PLCB1: variants seen among roughly 807,000 people sequenced by gnomAD.
PLCB1 encodes phospholipase C beta 1.
Under a neutral mutation model 161.8 loss-of-function variants are expected in PLCB1, and 46 were observed. The ratio of observed to expected loss-of-function variants is 0.28; its 90% confidence interval spans 0.22 to 0.36. The LOEUF (loss-of-function observed/expected upper bound fraction) is 0.36. PLCB1 is among the 10% of genes least tolerant of loss of function. The pLI is 1.00. For synonymous variants in PLCB1, 517 were observed against 503.7 expected, an observed-to-expected ratio of 1.03 and a Z score of -0.35; for missense variants, 1,016 against 1,472.5, an observed-to-expected ratio of 0.69 and a Z score of 5.07.
chr20:8,468,997 T>C (rs887616837), intron 3 of PLCB1, among the ~76,000 whole-genome samples: 2 of 152,078 alleles, frequency 1.3e-5, no homozygotes, highest in African/African-American at 2.4e-5. Flanking sequence ...CCACCCCCCG[T>C]AGTGTCTGAT....
intron 3 of PLCB1, among the ~76,000 whole-genome samples, chr20:8,539,474 A>G (rs928616827): frequency 6.6e-6 from 1 of 152,202 alleles, no homozygotes; most frequent in Non-Finnish European, 1.5e-5. Flanking sequence ...TTCTGGGAAC[A>G]TAGAATTAAA....
At chr20:8,572,934 T>C (rs1366695464) in intron 3 of PLCB1, among the ~76,000 whole-genome samples, 1 of 152,064 alleles carries the variant, frequency 6.6e-6, no homozygotes, top group Non-Finnish European at 1.5e-5. Flanking sequence ...ATTATTAGTA[T>C]TTATATATTT....
At chr20:8,215,521 T>C (rs1979073617) in intron 2 of PLCB1, among the ~76,000 whole-genome samples, 1 of 151,976 alleles carries the variant, frequency 6.6e-6, no homozygotes, top group African/African-American at 2.4e-5. Context: ...TCCCTTCAAA[T>C]AGCTGACATT....
chr20:8,677,657 T>G (rs1990118601), intron 9 of PLCB1, among the ~76,000 whole-genome samples: 1 of 152,054 alleles, frequency 6.6e-6, no homozygotes, highest in African/African-American at 2.4e-5. Flanking sequence ...ACACACCTGT[T>G]TTTAGGATGG....
intron 31 of PLCB1, among the ~76,000 whole-genome samples, chr20:8,858,321 C>T (rs1987136687): frequency 6.6e-6 from 1 of 152,154 alleles, no homozygotes; most frequent in Non-Finnish European, 1.5e-5. Context: ...TCAGTAATAG[C>T]ATCTAAATAT....
chr20:8,831,451 T>C (rs1985976534), intron 31 of PLCB1: 1 of 152,216 alleles, frequency 6.6e-6, no homozygotes, highest in East Asian at 1.9e-4. Context: ...AAAATTTGCT[T>C]TAATTTATTT....
chr20:8,542,128 T>A (rs1384045922), intron 3 of PLCB1, among the ~76,000 whole-genome samples: 3 of 152,210 alleles, frequency 2.0e-5, no homozygotes, highest in Non-Finnish European at 4.4e-5. Flanking sequence ...ATGCTTTGTC[T>A]AAATGGCCAG....
At chr20:8,856,744 A>T (rs1987082599) in intron 31 of PLCB1, among the ~76,000 whole-genome samples, 1 of 152,240 alleles carries the variant, frequency 6.6e-6, no homozygotes, top group Non-Finnish European at 1.5e-5. Context: ...GGAAGGTGGC[A>T]GGTAGAGGTC....
chr20:8,465,134 T>C (rs1339145420), intron 3 of PLCB1, among the ~76,000 whole-genome samples: 1 of 152,098 alleles, frequency 6.6e-6, no homozygotes, highest in Non-Finnish European at 1.5e-5. Flanking sequence ...TTATTCATGT[T>C]GACTTGTTAT....
intron 31 of PLCB1, among the ~76,000 whole-genome samples, chr20:8,870,688 C>T (rs918783510): frequency 4.6e-5 from 7 of 152,198 alleles, no homozygotes; most frequent in African/African-American, 2.4e-5. Context: ...TTGCCTACCT[C>T]GTCCTTGACT....
At chr20:8,424,064 C>T (rs1423783260) in intron 3 of PLCB1, among the ~76,000 whole-genome samples, 1 of 152,126 alleles carries the variant, frequency 6.6e-6, no homozygotes, top group Non-Finnish European at 1.5e-5. Context: ...TAGGCTCACT[C>T]CTTCCATTTT....
chr20:8,398,811 G>T (rs1978406368), intron 3 of PLCB1, among the ~76,000 whole-genome samples: 1 of 150,974 alleles, frequency 6.6e-6, no homozygotes, highest in African/African-American at 2.4e-5. Context: ...TCTCCCCTTG[G>T]TTTTTTTGAG....
chr20:8,224,827 C>G (rs182119480), intron 2 of PLCB1, among the ~76,000 whole-genome samples: 126 of 152,242 alleles, frequency 8.3e-4, no homozygotes, highest in African/African-American at 3.0e-3. Flanking sequence ...GTAGAATATT[C>G]TGACTTCCTC....
chr20:8,383,284 A>T (rs1016565667), intron 3 of PLCB1, among the ~76,000 whole-genome samples: 1 of 152,146 alleles, frequency 6.6e-6, no homozygotes, highest in Non-Finnish European at 1.5e-5. Flanking sequence ...CTTTACCATT[A>T]TGTAATGCCC....
intron 1 of PLCB1, among the ~76,000 whole-genome samples, chr20:8,147,871 A>AG (rs1343828842): frequency 7.3e-6 from 1 of 136,730 alleles, no homozygotes; most frequent in Non-Finnish European, 1.6e-5. Flanking sequence ...AATTTTGAAA[A>AG]GTTTTTTTTT....
rs1987562987 is a variant in PLCB1, at chr20:8,870,150, G to T, written c.3424-11472G>T. On this transcript the variant is annotated intron_variant, in intron 31 of 31. Transcript: ENST00000338037. ...AAGCAAAGGCTCTGGGTACAGGGAG[G>T]AGCCATTAATCCAGTCAATCTACCA... Among the ~76,000 whole-genome samples, 4 of 152,262 alleles carry T rather than the reference G, an allele frequency of 2.6e-5. No homozygotes were observed. In the South Asian group the frequency reaches 8.3e-4, roughly 32 times the overall value.
At chr20:8,653,745 T>A (rs16995061) in intron 7 of PLCB1, among the ~76,000 whole-genome samples, 6,854 of 152,088 alleles carry the variant, frequency 0.045, 514 homozygotes, top group African/African-American at 0.16. Context: ...CAGACCACCG[T>A]CCCAAAACTA....
At chr20:8,463,177 G>C (rs1031464996) in intron 3 of PLCB1, among the ~76,000 whole-genome samples, 27 of 151,154 alleles carry the variant, frequency 1.8e-4, no homozygotes, top group African/African-American at 5.6e-4. Context: ...GTGTGTGTGT[G>C]TGTGTCTGTG....
Position 8,784,857 on chromosome 20 carries a change from A to G in PLCB1, c.3112-3592A>G, listed in dbSNP as rs115026074. Among the ~76,000 whole-genome samples the G allele has an allele frequency of 6.8e-3, 1,040 of 152,186 alleles. 12 individuals are homozygous for G. The highest frequency in any genetic ancestry group is 0.023 in the African/African-American group (934 of 41,498). On this transcript the variant is annotated intron_variant, in intron 27 of 31. Transcript: ENST00000338037. ...CTATATAATTTTAAAAGTATTTCCAATAAGGCAGCCTGTGGCTTGAATGTG... is the reference window on the plus strand; with the variant it reads ...CTATATAATTTTAAAAGTATTTCCAGTAAGGCAGCCTGTGGCTTGAATGTG...
Sources: gnomAD v4.1 joint callset for allele counts (sites outside exome capture counted in the v4.1 genomes callset) on GRCh38, gnomAD v4.1.1 for gene constraint, MANE v1.5 for transcripts, NCBI Gene and HGNC (gene_info 2026-07-23, HGNC 2026-07-21) for gene names.